Variants in DDHD1 observed in about 807,000 individuals in gnomAD.
DDHD1 encodes the protein phospholipase DDHD1.
In DDHD1, 49 loss-of-function variants were observed where a neutral mutation model predicts 96.4. The ratio of observed to expected loss-of-function variants is 0.51; its 90% CI spans 0.40 to 0.64. The LOEUF (loss-of-function observed/expected upper bound fraction) is 0.64, where lower values mean the gene tolerates loss of function less well. DDHD1 is among the 30% of genes least tolerant of loss of function. The probability of loss-of-function intolerance (pLI) is 0.00; values close to 1 mark genes in which losing one functional copy is unlikely to be tolerated. For synonymous variants in DDHD1, 442 were observed against 446.5 expected, an observed-to-expected ratio of 0.99 and a Z score of 0.13; for missense variants, 1,106 against 1,161.2, an observed-to-expected ratio of 0.95 and a Z score of 0.69.
At chr14:53,105,731 T>G (rs971770545) in intron 1 of DDHD1, among the ~76,000 whole-genome samples, 6 of 152,216 alleles carry the variant, frequency 3.9e-5, no homozygotes, top group African/African-American at 1.2e-4. Context: ...ATAAAGCCAT[T>G]TGAACACCTT....
intron 1 of DDHD1, among the ~76,000 whole-genome samples, chr14:53,124,649 A>G (rs1416419743): frequency 1.3e-5 from 2 of 152,220 alleles, no homozygotes; most frequent in East Asian, 3.8e-4. Context: ...CAATGTAAGT[A>G]TACCCTAAAT....
Position 53,111,966 on chromosome 14 carries a change from T to TA in DDHD1, c.839-8111dup, listed in dbSNP as rs1188975293. Among the ~76,000 whole-genome samples the TA allele has an allele frequency of 3.3e-5, 5 of 152,238 alleles. No homozygotes were observed. The South Asian group carries it at 6.2e-4, about 19-fold the overall frequency. On this transcript the variant is annotated intron_variant, in intron 1 of 12. Coordinates refer to ENST00000673822, the MANE Select transcript of DDHD1 (RefSeq NM_001160148.2). ...ATATAAATTTACATTTTCAAGGCAT[T>TA]ACCTTAATTTATTATGAAAGGGAGC...
At chr14:53,127,084 T>G (rs1027460112) in intron 1 of DDHD1, among the ~76,000 whole-genome samples, 1 of 151,870 alleles carries the variant, frequency 6.6e-6, no homozygotes, top group African/African-American at 2.4e-5. Flanking sequence ...TGAACATATG[T>G]TTTTTTAAAA....
intron 4 of DDHD1, among the ~76,000 whole-genome samples, chr14:53,077,172 G>A (rs542985186): frequency 2.0e-5 from 3 of 152,152 alleles, no homozygotes; most frequent in Non-Finnish European, 4.4e-5. Flanking sequence ...GGCTTCATCA[G>A]ATGCAAGCTC....
At chr14:53,069,183 C>A (rs1470209574) in intron 6 of DDHD1, among the ~76,000 whole-genome samples, 1 of 152,134 alleles carries the variant, frequency 6.6e-6, no homozygotes, top group Non-Finnish European at 1.5e-5. Flanking sequence ...GTTGTCCCAG[C>A]CCCAGAATCA....
intron 12 of DDHD1, among the ~76,000 whole-genome samples, chr14:53,049,234 C>T (rs1314888667): frequency 6.6e-6 from 1 of 152,194 alleles, no homozygotes; most frequent in African/African-American, 2.4e-5. Flanking sequence ...CAGATTGACT[C>T]CATCTATCCT....
chr14:53,066,287 G>A (rs1009014480), intron 6 of DDHD1, among the ~76,000 whole-genome samples: 1 of 152,122 alleles, frequency 6.6e-6, no homozygotes, highest in Non-Finnish European at 1.5e-5. Context: ...GAGTAGCTGG[G>A]ATTACAGGTG....
At chr14:53,077,683 A>T (rs1276076525) in intron 4 of DDHD1, among the ~76,000 whole-genome samples, 220 of 149,272 alleles carry the variant, frequency 1.5e-3, no homozygotes, top group African/African-American at 5.3e-3. Context: ...TTTTTTTTTA[A>T]AAAACAATTG....
Position 53,072,684 on chromosome 14 carries a change from A to T in DDHD1, c.1416T>A (p.Thr472=). 6.2e-7 allele frequency: 1 copy of T among 1,609,336 alleles called. No individual in the cohort carries two copies. Among genetic ancestry groups the T allele is most frequent in the Non-Finnish European group, 8.5e-7 (1 of 1,176,974 alleles). Residue 472 remains threonine (T), a synonymous_variant, in exon 6 of 13, where the codon ACT becomes ACA. Transcript: ENST00000673822. ...CCCTTAAACCTCGTACTTTGTCAGG[A>T]GTAATGGAATCAACAGTGTCTACAA... ...TLDGDTVDSI[T]PDKVRGLRDM...
intron 4 of DDHD1, 69 bp from the exon 5 acceptor site, chr14:53,073,916 G>A: frequency 2.2e-6 from 3 of 1,373,540 alleles, no homozygotes; most frequent in Non-Finnish European, 3.0e-6. Flanking sequence ...AAATTTATAT[G>A]AGATAAAATG....
intron 1 of DDHD1, among the ~76,000 whole-genome samples, chr14:53,132,127 AAAAACAGCCCTAAAAGC>A: frequency 6.6e-6 from 1 of 152,184 alleles, no homozygotes; most frequent in African/African-American, 2.4e-5. Flanking sequence ...CCATTCTTTA[AAAAACAGCCCTAAAAGC>A]TGCTCCCCAC....
intron 1 of DDHD1, among the ~76,000 whole-genome samples, chr14:53,143,009 A>G (rs894594682): frequency 5.9e-5 from 9 of 152,272 alleles, no homozygotes; most frequent in African/African-American, 2.2e-4. Context: ...CATAGCTAAC[A>G]GTTTTATAGA....
At chr14:53,114,815 TCTC>T (rs1288276367) in intron 1 of DDHD1, among the ~76,000 whole-genome samples, 25 of 152,178 alleles carry the variant, frequency 1.6e-4, no homozygotes, top group Admixed American at 5.2e-4. Flanking sequence ...GAAAGCCTCT[TCTC>T]CTCCAAATTA....
chr14:53,061,145 G>T lies in DDHD1; in HGVS notation c.1823C>A (p.Thr608Lys), dbSNP rs1340793629. 2 of 1,610,328 alleles carry T rather than the reference G, an allele frequency of 1.2e-6. No individual in the cohort carries two copies. Among genetic ancestry groups the T allele is most frequent in the Non-Finnish European group, 1.7e-6 (2 of 1,179,044 alleles). Residue 608 changes from threonine to lysine, a missense_variant, in exon 8 of 13, where the codon ACA becomes AAA. Thr to Lys is a moderately conservative substitution (Grantham distance 78). Around this residue, in one of 2 missense-constraint regions of DDHD1, gnomAD observed 650 missense variants for 758.8 expected, o/e 0.86. Coordinates refer to ENST00000673822, the MANE Select transcript of DDHD1 (RefSeq NM_001160148.2). ...CCTTACCTTAAATTTTAAGGCAGGT[G>T]TTTGTGTCATAGATGATGCTTTCAA... ...HGLKASSMTQ[T>K]PALKFKVENF...
At chr14:53,069,388 A>C (rs1884321969) in intron 6 of DDHD1, among the ~76,000 whole-genome samples, 1 of 152,214 alleles carries the variant, frequency 6.6e-6, no homozygotes, top group Non-Finnish European at 1.5e-5. Flanking sequence ...TACAAATTGA[A>C]GGTTTGTGGC....
At chr14:53,135,638 A>G (rs1426813862) in intron 1 of DDHD1, among the ~76,000 whole-genome samples, 1 of 152,246 alleles carries the variant, frequency 6.6e-6, no homozygotes, top group East Asian at 1.9e-4. Flanking sequence ...ACATTCCTGA[A>G]CAGGAAGGCA....
chr14:53,102,083 C>T (rs1887341940), intron 2 of DDHD1, among the ~76,000 whole-genome samples: 1 of 151,498 alleles, frequency 6.6e-6, no homozygotes, highest in South Asian at 2.1e-4. Context: ...ATTTTTGAGG[C>T]AGAATACTTA....
rs1266710566 is a variant in DDHD1 at position 53,042,187 on chromosome 14, C to T, written c.*4581G>A. ...GGTTAAATAAATTTGGAGGCCCCCA[C>T]GCAGCACCAGATAGATTCACAGAGC... is the stretch of plus-strand genomic sequence containing the variant. On this transcript the variant is annotated 3_prime_UTR_variant, in exon 13 of 13. Transcript: ENST00000673822. 6.6e-6 allele frequency: 1 copy of T among 152,160 alleles called. No homozygotes were observed. Among genetic ancestry groups the T allele is most frequent in the Non-Finnish European group, 1.5e-5 (1 of 68,042 alleles). The allele number at this position is 152,160 out of a possible 1,614,324, so 9.4% of individuals were successfully genotyped here.
chr14:53,069,040 A>G (rs1251756624), intron 6 of DDHD1, among the ~76,000 whole-genome samples: 1 of 152,096 alleles, frequency 6.6e-6, no homozygotes, highest in East Asian at 1.9e-4. Context: ...AATTTTTTCA[A>G]TGATCTATAA....
Sources: gnomAD v4.1 joint callset for allele counts (sites outside exome capture counted in the v4.1 genomes callset) on GRCh38, gnomAD v4.1.1 for gene constraint, gnomAD v4.1.1 regional missense constraint, MANE v1.5 for transcripts, NCBI Gene and HGNC (gene_info 2026-07-23, HGNC 2026-07-21) for gene names.